DCP1B: variants seen among roughly 807,000 people sequenced by gnomAD.
The protein encoded by DCP1B is mRNA-decapping enzyme 1B.
A neutral mutation model predicts 60.5 loss-of-function variants in DCP1B; 47 were observed. The observed-to-expected ratio is 0.78, with a 90% CI of 0.61 to 0.99. DCP1B has a LOEUF of 0.99. DCP1B is among the 50% of genes least tolerant of loss of function. DCP1B has a pLI of 0.00. For missense variants in DCP1B, 725 were observed against 756.8 expected, an observed-to-expected ratio of 0.96 and a Z score of 0.49; for synonymous variants, 267 against 280.3, an observed-to-expected ratio of 0.95 and a Z score of 0.47.
At chr12:1,996,146 A>C (rs1298290809) in intron 2 of DCP1B, among the ~76,000 whole-genome samples, 1 of 152,186 alleles carries the variant, frequency 6.6e-6, no homozygotes, top group Non-Finnish European at 1.5e-5. Context: ...CACTGCAATA[A>C]TCTTCTCACT....
intron 3 of DCP1B, chr12:1,991,163 G>A (rs1381401501): frequency 1.3e-5 from 6 of 456,088 alleles, no homozygotes; most frequent in Non-Finnish European, 2.6e-5. Context: ...AGTACAGGTG[G>A]TGTGGAAAAA....
Position 1,993,402 on chromosome 12 carries a change from C to T in DCP1B, c.192-11G>A, listed in dbSNP as rs915132018. The T allele has an allele frequency of 6.2e-7, 1 of 1,608,684 alleles. No individual in the cohort carries two copies. Among genetic ancestry groups the T allele is most frequent in the Non-Finnish European group, 8.5e-7 (1 of 1,176,426 alleles). The stretch of plus-strand genomic sequence containing the variant: ...TTTGGAGAAGCAGACCTAAAAATCA[C>T]AAGGAGTCAGGGGGAAATCAATAGA... On this transcript the variant is annotated splice_polypyrimidine_tract_variant and intron_variant, in intron 2 of 8. Transcript: ENST00000280665.
At chr12:1,990,173 C>A (rs2038995250) in intron 3 of DCP1B, among the ~76,000 whole-genome samples, 1 of 152,094 alleles carries the variant, frequency 6.6e-6, no homozygotes, top group African/African-American at 2.4e-5. Context: ...CCTTAGTATT[C>A]TCATTTATAA....
intron 1 of DCP1B, among the ~76,000 whole-genome samples, chr12:2,000,073 A>C (rs1220932468): frequency 6.6e-6 from 1 of 152,230 alleles, no homozygotes; most frequent in Non-Finnish European, 1.5e-5. Context: ...AGTATTAATC[A>C]GGAAAATGGC....
rs114408353 is a variant in DCP1B at position 1,979,870 on chromosome 12, G to A, written c.320-11960C>T. The stretch of plus-strand genomic sequence containing the variant: ...GGTTTCCAATGTCCAATAAGCATAT[G>A]AAGAAATGCTCAATACAGTCTGTTG... On this transcript the variant is annotated intron_variant, in intron 3 of 8. Transcript: ENST00000280665. Among the ~76,000 whole-genome samples, 1,414 of 152,218 alleles carry A rather than the reference G, an allele frequency of 9.3e-3. 16 individuals carry two copies. The highest frequency in any genetic ancestry group is 0.032 in the African/African-American group (1,332 of 41,522).
At chr12:1,964,084 A>G (rs1172814320) in intron 5 of DCP1B, among the ~76,000 whole-genome samples, 1 of 152,196 alleles carries the variant, frequency 6.6e-6, no homozygotes. Context: ...CAATAAAACC[A>G]ATGAATGAAG....
At chr12:1,987,643 T>C (rs895332012) in intron 3 of DCP1B, among the ~76,000 whole-genome samples, 1 of 152,222 alleles carries the variant, frequency 6.6e-6, no homozygotes, top group African/African-American at 2.4e-5. Context: ...ATATCATGTA[T>C]GTACCATTTC....
chr12:1,975,308 T>G (rs1195283156), intron 3 of DCP1B, among the ~76,000 whole-genome samples: 2 of 152,162 alleles, frequency 1.3e-5, no homozygotes, highest in African/African-American at 4.8e-5. Context: ...TGGCCAAAAT[T>G]GTTTTCCTTC....
chr12:1,966,446 A>G (rs1166275955), intron 4 of DCP1B, among the ~76,000 whole-genome samples: 1 of 152,226 alleles, frequency 6.6e-6, no homozygotes, highest in Non-Finnish European at 1.5e-5. Flanking sequence ...TATGTGCTGT[A>G]ACTTTCAGCT....
At chr12:1,994,185 TA>T (rs1237116651) in intron 2 of DCP1B, among the ~76,000 whole-genome samples, 1 of 152,228 alleles carries the variant, frequency 6.6e-6, no homozygotes, top group Non-Finnish European at 1.5e-5. Flanking sequence ...GACAGCCATA[TA>T]GTAATTCAAC....
intron 3 of DCP1B, among the ~76,000 whole-genome samples, chr12:1,969,780 C>T (rs2031763109): frequency 6.6e-6 from 1 of 152,160 alleles, no homozygotes; most frequent in Non-Finnish European, 1.5e-5. Context: ...GATTGGATCA[C>T]TGACGTTCAA....
In DCP1B at chr12:1,997,965, T is replaced by C; in HGVS notation, c.161A>G (p.Asp54Gly). 6.2e-7 allele frequency: 1 copy of C among 1,609,324 alleles called. No homozygotes were observed. Among genetic ancestry groups the C allele is most frequent in the Non-Finnish European group, 8.5e-7 (1 of 1,178,144 alleles). Residue 54 changes from aspartate to glycine, a missense_variant, in exon 2 of 9, where the codon GAT becomes GGT. Coordinates refer to ENST00000280665, the MANE Select transcript of DCP1B (RefSeq NM_152640.5). ...ATAAACAAATAAGGTTCCTTCCACATCAGTTTTCTCCTAAACAATAAAAAC... is the reference window on the plus strand; with the variant it reads ...ATAAACAAATAAGGTTCCTTCCACACCAGTTTTCTCCTAAACAATAAAAAC... ...GHRANEWEKT[D>G]VEGTLFVYTR... is the part of the protein sequence containing the mutation.
Position 1,975,113 on chromosome 12 carries a change from GAA to G in DCP1B, c.320-7205_320-7204del, listed in dbSNP as rs1205597661. On this transcript the variant is annotated intron_variant, in intron 3 of 8. Coordinates refer to ENST00000280665, the MANE Select transcript of DCP1B (RefSeq NM_152640.5). ...AGCCTAGTGCTACTTCCTGATTAAA[GAA>G]AAGTCAGAGTTTCTTTATTTTTTCA... Among the ~76,000 whole-genome samples, 3 of 152,102 alleles carry G rather than the reference GAA, an allele frequency of 2.0e-5. No homozygotes were observed. In the East Asian group the frequency reaches 5.8e-4, roughly 29 times the overall value.
intron 5 of DCP1B, among the ~76,000 whole-genome samples, chr12:1,965,188 GGTTTT>G (rs973672678): frequency 2.6e-4 from 40 of 151,912 alleles, no homozygotes; most frequent in African/African-American, 8.9e-4. Context: ...TCTTTATATA[GGTTTT>G]GCCCATTTCT....
At chr12:1,981,494 A>G (rs1329751812) in intron 3 of DCP1B, among the ~76,000 whole-genome samples, 1 of 152,238 alleles carries the variant, frequency 6.6e-6, no homozygotes, top group African/African-American at 2.4e-5. Context: ...ACAAAATATT[A>G]TACATAAGGT....
rs75930699 is a variant in DCP1B, at chr12:1,987,157, G to A, written c.319+6107C>T. 9.3e-3 allele frequency among the ~76,000 whole-genome samples: 1,411 copies of A among 152,268 alleles called. 15 individuals are homozygous for A. The highest frequency in any genetic ancestry group is 0.032 in the African/African-American group (1,330 of 41,538). On this transcript the variant is annotated intron_variant, in intron 3 of 8. Transcript: ENST00000280665. Reference sequence around the variant, plus strand: ...ACAAACGATTTGTTAATACAAATGGGCATTAGAAGTACTCTGCCCTGCTGC... The same window carrying A: ...ACAAACGATTTGTTAATACAAATGGACATTAGAAGTACTCTGCCCTGCTGC...
At chr12:1,953,577 C>T (rs1176479567) in intron 6 of DCP1B, among the ~76,000 whole-genome samples, 2 of 152,078 alleles carry the variant, frequency 1.3e-5, no homozygotes, top group African/African-American at 4.8e-5. Context: ...GATTGGGAAC[C>T]ACCTTGGTAG....
intron 6 of DCP1B, among the ~76,000 whole-genome samples, chr12:1,954,384 T>G (rs1452998554): frequency 6.6e-6 from 1 of 152,188 alleles, no homozygotes; most frequent in African/African-American, 2.4e-5. Flanking sequence ...TGGCTCCATG[T>G]TCATTTTCAA....
downstream of DCP1B, among the ~76,000 whole-genome samples, chr12:1,942,227 A>T (rs936476219): frequency 6.6e-6 from 1 of 152,264 alleles, no homozygotes; most frequent in Non-Finnish European, 1.5e-5. Context: ...GATCAATGCA[A>T]CAAGAAGAGC....
Sources: allele counts gnomAD v4.1 joint callset (sites outside exome capture counted in the v4.1 genomes callset), GRCh38; gene constraint gnomAD v4.1.1; transcripts MANE v1.5; gene names NCBI Gene and HGNC (gene_info 2026-07-23, HGNC 2026-07-21).